The following PDCD6IP variants were observed in gnomAD, a reference collection of about 807,000 sequenced individuals.
PDCD6IP encodes programmed cell death 6-interacting protein.
In PDCD6IP, 43 loss-of-function variants were observed where a neutral mutation model predicts 103.7. The ratio of observed to expected loss-of-function variants is 0.41; its 90% CI spans 0.32 to 0.53. The LOEUF (loss-of-function observed/expected upper bound fraction) is 0.53, where lower values mean the gene tolerates loss of function less well. Ranked by LOEUF, PDCD6IP falls within the 20% of genes least tolerant of loss-of-function variation. The pLI is 0.16. For missense variants in PDCD6IP, 871 were observed against 1,036.7 expected, an observed-to-expected ratio of 0.84 and a Z score of 2.20; for synonymous variants, 354 against 378.7, an observed-to-expected ratio of 0.93 and a Z score of 0.76.
chr3:33,838,264 G>A lies in PDCD6IP; in HGVS notation c.1118G>A (p.Arg373Lys). ...VQQSLAAYNQ[R>K]KADLVNRSIA... The stretch of plus-strand genomic sequence containing the variant: ...CAGTCTTTGGCTGCCTATAATCAGA[G>A]GAAAGCCGATTTGGTTAACAGATCA... The change falls in exon 9 of 18, where the codon AGG (arginine) becomes AAG (lysine). Residue 373 changes from arginine (R) to lysine (K), a missense_variant. Physicochemically the swap from Arg to Lys is conservative, Grantham distance 26. Transcript: ENST00000307296. 6.2e-7 allele frequency: 1 copy of A among 1,613,454 alleles called. No individual in the cohort carries two copies. Among genetic ancestry groups the A allele is most frequent in the Non-Finnish European group, 8.5e-7 (1 of 1,179,428 alleles).
intron 1 of PDCD6IP, among the ~76,000 whole-genome samples, chr3:33,811,510 G>A (rs912116966): frequency 6.6e-6 from 1 of 152,310 alleles, no homozygotes; most frequent in Admixed American, 6.5e-5. Flanking sequence ...CTGATGGGGG[G>A]AAGTCTGCTT....
intron 12 of PDCD6IP, among the ~76,000 whole-genome samples, chr3:33,846,783 C>CT (rs1329994502): frequency 2.0e-5 from 3 of 152,186 alleles, no homozygotes; most frequent in Non-Finnish European, 4.4e-5. Flanking sequence ...TGGCTGGAAT[C>CT]TGTTTGTTTA....
intron 3 of PDCD6IP, among the ~76,000 whole-genome samples, chr3:33,814,622 A>G (rs1009707924): frequency 3.5e-5 from 5 of 143,278 alleles, no homozygotes; most frequent in Non-Finnish European, 3.0e-5. Context: ...TGCACATATA[A>G]TGTGTATTAT....
chr3:33,820,874 C>T (rs1355048165), intron 3 of PDCD6IP, among the ~76,000 whole-genome samples: 2 of 152,176 alleles, frequency 1.3e-5, no homozygotes, highest in Non-Finnish European at 2.9e-5. Context: ...ATACGTATAT[C>T]TCTTTGAGAC....
At chr3:33,836,682 CTGTCT>C (rs1697356062) in intron 8 of PDCD6IP, among the ~76,000 whole-genome samples, 2 of 143,564 alleles carry the variant, frequency 1.4e-5, no homozygotes, top group African/African-American at 5.3e-5. Flanking sequence ...TGGCAAAACC[CTGTCT>C]CTACCAAAAA....
intron 4 of PDCD6IP, among the ~76,000 whole-genome samples, chr3:33,822,458 GACAC>G (rs1277672821): frequency 1.3e-5 from 2 of 152,082 alleles, no homozygotes; most frequent in Non-Finnish European, 2.9e-5. Flanking sequence ...CTTAGAGTGA[GACAC>G]ACTTGAAATT....
chr3:33,821,851 G>C, intron 3 of PDCD6IP, 104 bp from the exon 4 acceptor site: 1 of 1,101,148 alleles, frequency 9.1e-7, no homozygotes, highest in Non-Finnish European at 1.3e-6. Context: ...ACTTGTTTTT[G>C]TGAGAGTCAG....
At chr3:33,811,061 T>A in intron 1 of PDCD6IP, 2 of 431,554 alleles carry the variant, frequency 4.6e-6, no homozygotes, top group South Asian at 3.3e-5. Context: ...AATGTTTGTA[T>A]TTTTAGTAGA....
intron 3 of PDCD6IP, among the ~76,000 whole-genome samples, chr3:33,813,896 A>T (rs1370968197): frequency 6.6e-6 from 1 of 152,214 alleles, no homozygotes; most frequent in African/African-American, 2.4e-5. Context: ...TGTAATATGT[A>T]ATAGCCTATG....
chr3:33,813,521 A>G, intron 2 of PDCD6IP, 38 bp from the exon 3 acceptor site: 2 of 1,229,300 alleles, frequency 1.6e-6, no homozygotes, highest in Non-Finnish European at 2.3e-6. Context: ...AGATTCAGGA[A>G]GGTTACCTAA....
At chr3:33,838,796 A>G (rs777144293) in intron 9 of PDCD6IP, among the ~76,000 whole-genome samples, 1 of 150,688 alleles carries the variant, frequency 6.6e-6, no homozygotes, top group African/African-American at 2.4e-5. Flanking sequence ...ATATTTATGT[A>G]TATATATATA....
intron 14 of PDCD6IP, 160 bp from the exon 15 acceptor site, chr3:33,855,006 A>C: frequency 1.1e-5 from 5 of 446,016 alleles, no homozygotes; most frequent in Non-Finnish European, 1.6e-5. Context: ...GATCATATTT[A>C]ATATTAAGTT....
At chr3:33,818,513 CTTTT>C (rs61405380) in intron 3 of PDCD6IP, among the ~76,000 whole-genome samples, 18,697 of 86,292 alleles carry the variant, frequency 0.22, 512 homozygotes, top group East Asian at 0.32. Context: ...TGATCCCTTG[CTTTT>C]TTTTTTTTTT....
chr3:33,813,413 A>G, intron 2 of PDCD6IP, 146 bp from the exon 3 acceptor site: 1 of 519,782 alleles, frequency 1.9e-6, no homozygotes, highest in Non-Finnish European at 3.4e-6. Context: ...TTAAAAGGAG[A>G]AGGAAAGGAA....
intron 9 of PDCD6IP, among the ~76,000 whole-genome samples, chr3:33,841,676 G>T (rs1029404065): frequency 6.6e-6 from 1 of 151,688 alleles, no homozygotes; most frequent in Non-Finnish European, 1.5e-5. Flanking sequence ...CTGACCTCGT[G>T]ATCCTCCCGC....
chr3:33,864,440 A>C (rs1040850488), intron 16 of PDCD6IP, among the ~76,000 whole-genome samples: 1 of 147,954 alleles, frequency 6.8e-6, no homozygotes, highest in African/African-American at 2.5e-5. Flanking sequence ...GGACATTTAT[A>C]TGAAATAACT....
intron 10 of PDCD6IP, among the ~76,000 whole-genome samples, chr3:33,843,187 G>A (rs1697514599): frequency 6.6e-6 from 1 of 152,114 alleles, no homozygotes; most frequent in South Asian, 2.1e-4. Flanking sequence ...GTCCAGACAG[G>A]CATGTTTTCT....
At chr3:33,806,829 G>A (rs1696609729) in intron 1 of PDCD6IP, among the ~76,000 whole-genome samples, 1 of 152,224 alleles carries the variant, frequency 6.6e-6, no homozygotes, top group Admixed American at 6.5e-5. Flanking sequence ...GTAGCTTATG[G>A]TAGTTGGATC....
intron 15 of PDCD6IP, among the ~76,000 whole-genome samples, chr3:33,858,760 A>G (rs1697886428): frequency 6.6e-6 from 1 of 151,828 alleles, no homozygotes; most frequent in Non-Finnish European, 1.5e-5. Flanking sequence ...CAGTGAGCTG[A>G]GATTGCACCA....
Sources: allele counts gnomAD v4.1 joint callset (sites outside exome capture counted in the v4.1 genomes callset), GRCh38; gene constraint gnomAD v4.1.1; transcripts MANE v1.5; gene names NCBI Gene and HGNC (gene_info 2026-07-23, HGNC 2026-07-21).